Variants in ZBTB4 observed in about 807,000 individuals in gnomAD.
ZBTB4 encodes zinc finger and BTB domain containing 4.
Under a neutral mutation model 59.8 loss-of-function variants are expected in ZBTB4, and 14 were observed. The ratio of observed to expected loss-of-function variants is 0.23; its 90% confidence interval spans 0.15 to 0.37. The LOEUF (loss-of-function observed/expected upper bound fraction) is 0.37. Ranked by LOEUF, ZBTB4 falls within the 10% of genes least tolerant of loss-of-function variation. The probability of loss-of-function intolerance (pLI) is 1.00; values close to 1 mark genes in which losing one functional copy is unlikely to be tolerated. For missense variants in ZBTB4, 1,198 were observed against 1,380.8 expected (o/e 0.87, Z 2.10); for synonymous variants, 587 against 575.2 (o/e 1.02, Z -0.29).
intron 3 of ZBTB4, 87 bp downstream of exon 3, chr17:7,465,624 C>A: frequency 6.8e-7 from 1 of 1,476,338 alleles, no homozygotes; most frequent in Non-Finnish European, 9.0e-7. Flanking sequence ...ACTTTCTAGG[C>A]CCCAAGCCCC....
In ZBTB4 at chr17:7,465,783, C is replaced by T. The variant is rs569544436; in HGVS notation, c.1019G>A (p.Arg340His). 2.6e-5 allele frequency: 42 copies of T among 1,614,020 alleles called. No homozygotes were observed. Among genetic ancestry groups the T allele is most frequent in the Non-Finnish European group, 3.5e-5 (41 of 1,180,016 alleles). Reference protein sequence around the residue: ...VHSWRRKYPCRYCEKVFALAE... With the variant: ...VHSWRRKYPCHYCEKVFALAE... ...CAGAGCAAACACTTTCTCACAATAG[C>T]GGCAGGGGTACTTCCTCCGCCACGA... Residue 340 changes from arginine (R) to histidine (H), a missense_variant, in exon 3 of 4, where the codon CGC becomes CAC. Coordinates refer to ENST00000380599, the MANE Select transcript of ZBTB4 (RefSeq NM_001128833.2).
intron 2 of ZBTB4, 106 bp downstream of exon 2, chr17:7,467,151 T>C (rs978914212): frequency 9.1e-6 from 10 of 1,102,378 alleles, no homozygotes; most frequent in East Asian, 1.1e-4. Context: ...CAACTCCTGA[T>C]AGCCATTTCA....
chr17:7,473,578 GCT>G (rs1265204441), intron 1 of ZBTB4, among the ~76,000 whole-genome samples: 2 of 152,030 alleles, frequency 1.3e-5, no homozygotes, highest in Non-Finnish European at 2.9e-5. Flanking sequence ...ACAGGATCTT[GCT>G]CTGTTGCCCA....
At position 7,465,914 on chromosome 17, in the gene ZBTB4, G is replaced by A. The variant is rs148445568; in HGVS notation, c.888C>T (p.Pro296=). Residue 296 remains proline (P), a synonymous_variant, in exon 3 of 4, where the codon CCC becomes CCT. Transcript: ENST00000380599. Reference sequence around the variant, plus strand: ...CGCCCACCACCTTCACCACGTGCTCGGGGCCCCCTCGGAAGCCCACTGGTG... The same window carrying A: ...CGCCCACCACCTTCACCACGTGCTCAGGGCCCCCTCGGAAGCCCACTGGTG... The part of the protein sequence containing the change: ...LPPPVGFRGG[P]EHVVKVVGGH... 22 of 1,611,378 alleles carry A rather than the reference G, an allele frequency of 1.4e-5. No homozygotes were observed. The highest frequency in any genetic ancestry group is 9.3e-5 in the African/African-American group (7 of 74,876).
Position 7,466,579 on chromosome 17 carries a change from C to T in ZBTB4, c.223G>A (p.Ala75Thr), listed in dbSNP as rs770687917. Residue 75 changes from alanine (A) to threonine (T), a missense_variant, in exon 3 of 4, where the codon GCA becomes ACA. Physicochemically the swap from Ala to Thr is moderately conservative, Grantham distance 58. Around this residue, in one of 9 missense-constraint regions of ZBTB4, gnomAD observed 83 missense variants for 76.5 expected, o/e 1.09. Transcript: ENST00000380599. The surrounding 1 kb of genome is among the most constrained non-coding windows in gnomAD (Gnocchi z 9.1). The stretch of plus-strand genomic sequence containing the variant: ...GCTGTGGTGGTGGCAGGGTTGGGTG[C>T]GGCGCCCCCAGTAGCTGGTGGAAGG... The part of the protein sequence containing the change: ...LPLPPATGGA[A>T]PNPATTTAAS... 12 of 1,612,406 alleles carry T rather than the reference C, an allele frequency of 7.4e-6. No homozygotes were observed. Among genetic ancestry groups the T allele is most frequent in the Admixed American group, 1.7e-5 (1 of 59,826 alleles).
chr17:7,466,227 G>C lies in ZBTB4; in HGVS notation c.575C>G (p.Pro192Arg), dbSNP rs2070121569. 6.2e-7 allele frequency: 1 copy of C among 1,613,596 alleles called. No individual in the cohort carries two copies. The highest frequency in any genetic ancestry group is 8.5e-7 in the Non-Finnish European group (1 of 1,179,950). Reference protein sequence around the residue: ...GDAWVPPTPAPMATSQPEEDS... With the variant: ...GDAWVPPTPARMATSQPEEDS... ...CTCTTCAGGCTGCGAGGTGGCCATG[G>C]GGGCTGGGGTAGGAGGTACCCAGGC... Residue 192 changes from proline to arginine, a missense_variant, in exon 3 of 4, where the codon CCC (proline) becomes CGC (arginine). By Grantham distance (103) the Pro-to-Arg change is moderately radical (BLOSUM62 -2). This residue lies in a region of ZBTB4 where 204 missense variants were observed against 205.5 expected (regional missense o/e 0.99). Coordinates refer to ENST00000380599, the MANE Select transcript of ZBTB4 (RefSeq NM_001128833.2). This position sits in a 1 kb window ranked among gnomAD's most constrained non-coding sequence, Gnocchi z 9.1.
At chr17:7,472,079 G>A (rs997452487) in intron 1 of ZBTB4, among the ~76,000 whole-genome samples, 1 of 152,104 alleles carries the variant, frequency 6.6e-6, no homozygotes, top group Non-Finnish European at 1.5e-5. Flanking sequence ...CTTCCTTTAA[G>A]CCTTGACTTA....
chr17:7,477,429 G>A (rs1244476202), intron 1 of ZBTB4, among the ~76,000 whole-genome samples: 1 of 152,168 alleles, frequency 6.6e-6, no homozygotes, highest in Admixed American at 6.5e-5. Flanking sequence ...TGCACCTGTT[G>A]AGCAGGCTCC....
At position 7,459,623 on chromosome 17, in the gene ZBTB4, AC is replaced by A. The variant is rs2069989821; in HGVS notation, c.*2316del. 6.6e-6 allele frequency: 1 copy of A among 152,230 alleles called. No individual in the cohort carries two copies. The highest frequency in any genetic ancestry group is 6.6e-5 in the Admixed American group (1 of 15,252). The allele number at this position is 152,230 out of a possible 1,614,324, so 9.4% of individuals were successfully genotyped here. ...GACTTGATCATTTTCAAAAGACAAA[AC>A]TGCAAAATCCCAAATTTCCAACATC... On this transcript the variant is annotated 3_prime_UTR_variant, in exon 4 of 4. Coordinates refer to ENST00000380599, the MANE Select transcript of ZBTB4 (RefSeq NM_001128833.2).
upstream of ZBTB4, among the ~76,000 whole-genome samples, chr17:7,480,727 AAAC>A (rs1464692170): frequency 3.2e-4 from 48 of 151,362 alleles, no homozygotes; most frequent in African/African-American, 1.1e-3. Flanking sequence ...CTCAAAAAAA[AAAC>A]AACAACAAAA....
At chr17:7,468,158 GTCAGGAGT>G (rs1421954134) in intron 1 of ZBTB4, among the ~76,000 whole-genome samples, 1 of 152,214 alleles carries the variant, frequency 6.6e-6, no homozygotes, top group East Asian at 1.9e-4. Context: ...ATCACCTGAG[GTCAGGAGT>G]TCAAGACCAG....
chr17:7,481,642 C>G, upstream of ZBTB4: 1 of 726,138 alleles, frequency 1.4e-6, no homozygotes, highest in Non-Finnish European at 2.2e-6. Flanking sequence ...TAATGGTGTA[C>G]CCAGATGTCT....
chr17:7,481,260 G>A (rs1597784400), upstream of ZBTB4: 1 of 344,288 alleles, frequency 2.9e-6, no homozygotes, highest in Non-Finnish European at 5.0e-6. Context: ...AATCTGGGAG[G>A]TGGAGGTTGC....
In ZBTB4 at chr17:7,461,857, GGGGCAGGGA is replaced by G; in HGVS notation, c.*74_*82del. ...CACAAGAGTGTGAAGGGGCTCCCAA[GGGGCAGGGA>G]GGCCAGGGAGCTGGTAGTGGTGGGG... On this transcript the variant is annotated 3_prime_UTR_variant, in exon 4 of 4. Transcript: ENST00000380599. 7.6e-7 allele frequency: 1 copy of G among 1,310,208 alleles called. No homozygotes were observed. The highest frequency in any genetic ancestry group is 1.0e-6 in the Non-Finnish European group (1 of 954,942). The allele number at this position is 1,310,208 out of a possible 1,614,324, so 81.2% of individuals were successfully genotyped here.
At chr17:7,484,051 G>A (rs948969281), upstream of ZBTB4, 10 of 152,190 alleles carry the variant, frequency 6.6e-5, no homozygotes, top group Admixed American at 2.0e-4. Flanking sequence ...CTACGAATGA[G>A]AGGCTTTTGC....
upstream of ZBTB4, among the ~76,000 whole-genome samples, chr17:7,480,169 C>A (rs572718897): frequency 2.6e-5 from 4 of 152,262 alleles, no homozygotes; most frequent in East Asian, 3.9e-4. Flanking sequence ...CGACCACCAG[C>A]GCAAATGAAC....
chr17:7,464,117 T>C (rs1242067096), intron 3 of ZBTB4, among the ~76,000 whole-genome samples: 2 of 152,092 alleles, frequency 1.3e-5, no homozygotes, highest in African/African-American at 2.4e-5. Context: ...GCAGCCTAAC[T>C]CACGGAGCCT....
intron 1 of ZBTB4, among the ~76,000 whole-genome samples, chr17:7,474,220 C>CTT (rs67462449): frequency 0.017 from 2,016 of 116,076 alleles, 119 homozygotes; most frequent in African/African-American, 0.06. Flanking sequence ...CATGGCCAGA[C>CTT]TTTTTTTTTT....
intron 1 of ZBTB4, among the ~76,000 whole-genome samples, chr17:7,477,670 C>T (rs2070287300): frequency 6.6e-6 from 1 of 152,178 alleles, no homozygotes; most frequent in Non-Finnish European, 1.5e-5. Flanking sequence ...GGCCCTTCCA[C>T]CGTCGCAGGA....
Sources: gnomAD v4.1 joint callset for allele counts (sites outside exome capture counted in the v4.1 genomes callset) on GRCh38, gnomAD v4.1.1 for gene constraint, gnomAD v4.1.1 regional missense constraint, Gnocchi (gnomAD v3.1) non-coding constraint, MANE v1.5 for transcripts, NCBI Gene and HGNC (gene_info 2026-07-23, HGNC 2026-07-21) for gene names.